USH2A: variants seen among roughly 807,000 people sequenced by gnomAD.
USH2A encodes Usher syndrome 2A (autosomal recessive, mild).
In USH2A, 443 loss-of-function variants were observed where a neutral mutation model predicts 538.9. That is an observed-to-expected ratio of 0.82 (90% confidence interval 0.76 to 0.89). USH2A has a LOEUF of 0.89. Among genes scored for constraint, USH2A ranks in the 40% least tolerant of loss-of-function variants. USH2A has a pLI of 0.00. For missense variants in USH2A, 6,633 were observed against 6,324.8 expected (o/e 1.05, Z -1.65); for synonymous variants, 2,413 against 2,273.5 (o/e 1.06, Z -1.75).
At chr1:215,762,932 T>A (rs989006620) in intron 56 of USH2A, among the ~76,000 whole-genome samples, 3 of 152,146 alleles carry the variant, frequency 2.0e-5, no homozygotes, top group Non-Finnish European at 4.4e-5. Flanking sequence ...CTACTGTATT[T>A]GTTTTAAATT....
At position 216,105,375 on chromosome 1, in the gene USH2A, C is replaced by T. The variant is rs534837753; in HGVS notation, c.4628-8162G>A. On this transcript the variant is annotated intron_variant, in intron 21 of 71. Coordinates refer to ENST00000307340, the MANE Select transcript of USH2A (RefSeq NM_206933.4). Reference sequence around the variant, plus strand: ...CAAGCTTTATTGTTTTTTTTTGACTCCTATACACTATACAGTACTATTTGT... The same window carrying T: ...CAAGCTTTATTGTTTTTTTTTGACTTCTATACACTATACAGTACTATTTGT... Among the ~76,000 whole-genome samples, 11 of 150,898 alleles carry T rather than the reference C, an allele frequency of 7.3e-5. No homozygotes were observed. The South Asian group carries it at 2.3e-3, about 32-fold the overall frequency.
At chr1:216,046,039 G>A (rs189024910) in intron 32 of USH2A, among the ~76,000 whole-genome samples, 1 of 151,488 alleles carries the variant, frequency 6.6e-6, no homozygotes, top group African/African-American at 2.4e-5. Flanking sequence ...GTGTGTGTGT[G>A]TGTGTGTGTG....
At chr1:216,406,726 T>G (rs532771030) in intron 3 of USH2A, among the ~76,000 whole-genome samples, 67 of 152,322 alleles carry the variant, frequency 4.4e-4, no homozygotes, top group African/African-American at 1.5e-3. Context: ...TTCATCTCAT[T>G]TGCAGCTAAT....
Position 216,073,217 on chromosome 1 carries a change from C to T in USH2A, c.5656G>A (p.Val1886Ile). The T allele has an allele frequency of 6.2e-7, 1 of 1,613,934 alleles. No individual in the cohort carries two copies. The highest frequency in any genetic ancestry group is 1.1e-5 in the South Asian group (1 of 91,080). The part of the protein sequence containing the change: ...LASVSSGAVR[V>I]NLDGCLSTDS... ...GTTGATAGGCATCCATCCAGATTGACTCTGACAGCACCGCTGGACACAGAT... is the reference window on the plus strand; with the variant it reads ...GTTGATAGGCATCCATCCAGATTGATTCTGACAGCACCGCTGGACACAGAT... Residue 1886 changes from valine to isoleucine, a missense_variant, in exon 28 of 72, where the codon GTC becomes ATC. Transcript: ENST00000307340.
chr1:216,019,744 AATTTGGAGTG>A (rs1668803286), intron 32 of USH2A, among the ~76,000 whole-genome samples: 1 of 152,162 alleles, frequency 6.6e-6, no homozygotes, highest in Admixed American at 6.6e-5. Flanking sequence ...CTTGCAGTTT[AATTTGGAGTG>A]ATATGCTGAG....
chr1:216,346,646 G>A (rs539822871), intron 4 of USH2A, among the ~76,000 whole-genome samples: 110 of 151,854 alleles, frequency 7.2e-4, no homozygotes, highest in African/African-American at 2.4e-3. Flanking sequence ...TCCCATGGGA[G>A]ATGGGCTAAT....
chr1:215,643,416 T>C (rs1378442139), intron 67 of USH2A, among the ~76,000 whole-genome samples: 1 of 152,176 alleles, frequency 6.6e-6, no homozygotes, highest in Admixed American at 6.5e-5. Flanking sequence ...TTTCTTGTAT[T>C]TTTCCGTAAC....
At chr1:216,038,202 T>G (rs1247651511) in intron 32 of USH2A, among the ~76,000 whole-genome samples, 1 of 152,042 alleles carries the variant, frequency 6.6e-6, no homozygotes, top group Non-Finnish European at 1.5e-5. Flanking sequence ...AAACTGCCGA[T>G]CTCTTTGGGG....
intron 61 of USH2A, among the ~76,000 whole-genome samples, chr1:215,681,697 G>A (rs1157188446): frequency 6.6e-6 from 1 of 152,158 alleles, no homozygotes; most frequent in Admixed American, 6.5e-5. Context: ...ACAAAACAAT[G>A]TAGAAATAGG....
At chr1:215,901,158 T>G in intron 38 of USH2A, 1 of 500,930 alleles carries the variant, frequency 2.0e-6, no homozygotes. Context: ...ATGCAGCACA[T>G]TCCCACCTGT....
At chr1:215,694,533 A>C (rs1658737814) in intron 61 of USH2A, among the ~76,000 whole-genome samples, 1 of 152,242 alleles carries the variant, frequency 6.6e-6, no homozygotes, top group Non-Finnish European at 1.5e-5. Flanking sequence ...AGATCACGCC[A>C]CTGCACTCCA....
intron 11 of USH2A, among the ~76,000 whole-genome samples, chr1:216,259,700 C>T (rs997314145): frequency 2.6e-5 from 4 of 152,032 alleles, no homozygotes; most frequent in African/African-American, 7.2e-5. Flanking sequence ...CAGGTGTTAA[C>T]TAAGACTGCC....
chr1:215,692,330 G>T (rs1658644556), intron 61 of USH2A, among the ~76,000 whole-genome samples: 1 of 152,094 alleles, frequency 6.6e-6, no homozygotes, highest in Admixed American at 6.5e-5. Context: ...ATGGTAGCTG[G>T]AGGGGCCCGT....
chr1:215,920,964 AT>A (rs1386059619), intron 38 of USH2A, among the ~76,000 whole-genome samples: 1 of 152,062 alleles, frequency 6.6e-6, no homozygotes, highest in Non-Finnish European at 1.5e-5. Context: ...TATTCCACAT[AT>A]GAATAAGTGT....
At chr1:215,788,554 C>CA (rs1661869712) in intron 51 of USH2A, among the ~76,000 whole-genome samples, 1 of 151,834 alleles carries the variant, frequency 6.6e-6, no homozygotes. Flanking sequence ...GCTCTCATCA[C>CA]AAAAATGGAA....
chr1:216,034,885 G>C lies in USH2A; in HGVS notation c.6325+11546C>G, dbSNP rs902462635. 2.6e-5 allele frequency among the ~76,000 whole-genome samples: 4 copies of C among 152,054 alleles called. No individual in the cohort carries two copies. The South Asian group carries it at 6.2e-4, about 24-fold the overall frequency. On this transcript the variant is annotated intron_variant, in intron 32 of 71. Coordinates refer to ENST00000307340, the MANE Select transcript of USH2A (RefSeq NM_206933.4). The stretch of plus-strand genomic sequence containing the variant: ...TATTGTGTTAAGGCATCCCATTTTG[G>C]GTATTGTATTAAGCAGCACTAGGAA...
chr1:215,784,033 A>G (rs1037184451), intron 52 of USH2A, among the ~76,000 whole-genome samples: 2 of 152,236 alleles, frequency 1.3e-5, no homozygotes, highest in Non-Finnish European at 2.9e-5. Context: ...CTACAAATGT[A>G]AAGCATTATC....
chr1:216,293,747 T>C (rs1047146525), intron 9 of USH2A, among the ~76,000 whole-genome samples: 1 of 152,190 alleles, frequency 6.6e-6, no homozygotes, highest in Non-Finnish European at 1.5e-5. Context: ...ACCACACGCT[T>C]CTCTTCTATA....
At chr1:216,208,279 AC>A (rs1213242669) in intron 15 of USH2A, among the ~76,000 whole-genome samples, 1 of 152,198 alleles carries the variant, frequency 6.6e-6, no homozygotes, top group Non-Finnish European at 1.5e-5. Context: ...TCTAGTTTAA[AC>A]AAGATGCACA....
Sources: gnomAD v4.1 joint callset for allele counts (sites outside exome capture counted in the v4.1 genomes callset) on GRCh38, gnomAD v4.1.1 for gene constraint, MANE v1.5 for transcripts, NCBI Gene and HGNC (gene_info 2026-07-23, HGNC 2026-07-21) for gene names.